The following LRP1B variants were observed in gnomAD, a reference collection of about 807,000 sequenced individuals.
LRP1B encodes low-density lipoprotein receptor-related protein 1B.
In LRP1B, 217 loss-of-function variants were observed where a neutral mutation model predicts 556.6. The observed-to-expected ratio is 0.39, with a 90% CI of 0.35 to 0.44. The LOEUF is 0.44. LRP1B is among the 20% of genes least tolerant of loss of function. The pLI is 1.00. For synonymous variants in LRP1B, 2,047 were observed against 1,865.8 expected (o/e 1.10, Z -2.50); for missense variants, 5,053 against 5,620.8 (o/e 0.90, Z 3.23).
chr2:140,291,318 A>ATATATATATTTTTTTT lies in LRP1B; in HGVS notation c.12967+6489_12967+6490insAAAAAAAATATATATA, dbSNP rs369391920. ...TTATTTTATATATATATATATATAT[A>ATATATATATTTTTTTT]TTTTTATTATACTTTAAGTTCTAGG... On this transcript the variant is annotated intron_variant, in intron 84 of 90. Transcript: ENST00000389484. 1.6e-4 allele frequency among the ~76,000 whole-genome samples: 17 copies of ATATATATATTTTTTTT among 109,320 alleles called. No individual in the cohort carries two copies. In the East Asian group the frequency reaches 2.1e-3, roughly 14 times the overall value. The allele number at this position is 109,320 out of a possible 152,430, so 71.7% of individuals were successfully genotyped here.
intron 1 of LRP1B, among the ~76,000 whole-genome samples, chr2:141,859,373 C>T (rs1217757134): frequency 3.9e-5 from 6 of 152,152 alleles, no homozygotes; most frequent in Non-Finnish European, 8.8e-5. Flanking sequence ...GCCATCCTCT[C>T]AGCATTGCAG....
chr2:140,624,778 A>C (rs1406080398), intron 41 of LRP1B, among the ~76,000 whole-genome samples: 1 of 152,180 alleles, frequency 6.6e-6, no homozygotes, highest in Non-Finnish European at 1.5e-5. Flanking sequence ...ACACATATAT[A>C]CTATGTTGTG....
chr2:142,000,413 C>T (rs967939986), intron 1 of LRP1B, among the ~76,000 whole-genome samples: 7 of 152,198 alleles, frequency 4.6e-5, no homozygotes, highest in African/African-American at 1.7e-4. Flanking sequence ...TACATAATTA[C>T]AATCATTTCT....
chr2:140,423,027 C>T (rs142136325), intron 66 of LRP1B, among the ~76,000 whole-genome samples: 1 of 152,000 alleles, frequency 6.6e-6, no homozygotes, highest in Non-Finnish European at 1.5e-5. Flanking sequence ...AAAACCAAGT[C>T]GATGAATAAT....
chr2:141,728,509 C>T (rs1186020991), intron 2 of LRP1B, among the ~76,000 whole-genome samples: 1 of 151,970 alleles, frequency 6.6e-6, no homozygotes, highest in Non-Finnish European at 1.5e-5. Flanking sequence ...GAATAAAATG[C>T]AAGTTAAGCT....
At chr2:140,852,984 A>G (rs1240077898) in intron 27 of LRP1B, among the ~76,000 whole-genome samples, 4 of 152,094 alleles carry the variant, frequency 2.6e-5, no homozygotes, top group African/African-American at 9.7e-5. Flanking sequence ...AGAAAATGTT[A>G]GCTTTCAACT....
intron 7 of LRP1B, chr2:141,167,264 T>C (rs1195343062): frequency 6.6e-6 from 1 of 151,902 alleles, no homozygotes; most frequent in East Asian, 1.9e-4. Context: ...ATTTAATGTA[T>C]GGGATGCCTC....
chr2:140,501,674 G>A lies in LRP1B; in HGVS notation c.8850+13C>T. Reference sequence around the variant, plus strand: ...ATGTATCGTATGATTTGCTACTTTTGATGAGTACCTACCTTATAACTGACC... The same window carrying A: ...ATGTATCGTATGATTTGCTACTTTTAATGAGTACCTACCTTATAACTGACC... On this transcript the variant is annotated intron_variant, in intron 55 of 90. Transcript: ENST00000389484. The A allele has an allele frequency of 6.4e-7, 1 of 1,558,630 alleles. No individual in the cohort carries two copies. The highest frequency in any genetic ancestry group is 8.7e-7 in the Non-Finnish European group (1 of 1,149,668).
intron 1 of LRP1B, among the ~76,000 whole-genome samples, chr2:142,080,603 A>G (rs1175819316): frequency 6.9e-6 from 1 of 144,966 alleles, no homozygotes; most frequent in Non-Finnish European, 1.5e-5. Context: ...AATGTAATAA[A>G]AGCAATCACT....
intron 84 of LRP1B, among the ~76,000 whole-genome samples, chr2:140,291,316 A>ATTTTT (rs946522615): frequency 1.2e-4 from 8 of 68,752 alleles, no homozygotes; most frequent in African/African-American, 3.9e-4. Context: ...ATATATATAT[A>ATTTTT]TATTTTTATT....
At chr2:140,890,180 TGCTTAAAAACACA>T (rs144552302) in intron 23 of LRP1B, among the ~76,000 whole-genome samples, 1 of 111,912 alleles carries the variant, frequency 8.9e-6, no homozygotes, top group East Asian at 3.0e-4. Context: ...TGTTAAATGT[TGCTTAAAAACACA>T]AACTGTAAGG....
At chr2:141,883,917 TTTATC>T (rs1385437271) in intron 1 of LRP1B, among the ~76,000 whole-genome samples, 2 of 152,312 alleles carry the variant, frequency 1.3e-5, no homozygotes, top group East Asian at 3.9e-4. Flanking sequence ...GTTGATACTT[TTTATC>T]TTATGTATAT....
chr2:140,242,259 A>G (rs1008194842), intron 87 of LRP1B, among the ~76,000 whole-genome samples: 2 of 151,202 alleles, frequency 1.3e-5, no homozygotes, highest in African/African-American at 4.8e-5. Flanking sequence ...GATTATGCCA[A>G]TCAGAAAATA....
intron 2 of LRP1B, among the ~76,000 whole-genome samples, chr2:141,607,811 T>C (rs1687971768): frequency 6.6e-6 from 1 of 152,090 alleles, no homozygotes; most frequent in Middle Eastern, 3.2e-3. Context: ...TCGTCCCAGC[T>C]ACACAGGAGG....
intron 86 of LRP1B, among the ~76,000 whole-genome samples, chr2:140,253,356 G>A (rs1029932306): frequency 6.6e-6 from 1 of 151,576 alleles, no homozygotes; most frequent in Non-Finnish European, 1.5e-5. Flanking sequence ...TTTAGGAAAC[G>A]GTAAAAATTA....
intron 1 of LRP1B, among the ~76,000 whole-genome samples, chr2:141,865,366 G>A (rs1436372300): frequency 2.0e-5 from 3 of 151,906 alleles, no homozygotes; most frequent in Non-Finnish European, 4.4e-5. Flanking sequence ...GCCGAGGCGG[G>A]CGGATCACGA....
intron 60 of LRP1B, among the ~76,000 whole-genome samples, chr2:140,471,475 AT>A (rs1309546143): frequency 2.0e-5 from 3 of 152,136 alleles, no homozygotes; most frequent in Admixed American, 6.6e-5. Context: ...TATTGGAATT[AT>A]TTTCCCCTAG....
At chr2:140,806,015 C>T (rs1363299645) in intron 32 of LRP1B, among the ~76,000 whole-genome samples, 5 of 151,964 alleles carry the variant, frequency 3.3e-5, no homozygotes, top group Admixed American at 6.6e-5. Flanking sequence ...AGGGTAAAGA[C>T]CTCATGAATG....
intron 3 of LRP1B, among the ~76,000 whole-genome samples, chr2:141,330,747 C>CT (rs530844983): frequency 0.041 from 4,435 of 107,764 alleles, 126 homozygotes; most frequent in South Asian, 0.057. Context: ...GGCTAACAAA[C>CT]TTTTTTTTTT....
Sources: allele counts gnomAD v4.1 joint callset (sites outside exome capture counted in the v4.1 genomes callset), GRCh38; gene constraint gnomAD v4.1.1; transcripts MANE v1.5; gene names NCBI Gene and HGNC (gene_info 2026-07-23, HGNC 2026-07-21).